Variants in ZBED6 observed in about 807,000 individuals in gnomAD.
ZBED6 encodes the protein zinc finger BED domain-containing protein 6.
In ZBED6, 40 loss-of-function variants were observed where a neutral mutation model predicts 58.4. The ratio of observed to expected loss-of-function variants is 0.68; its 90% CI spans 0.53 to 0.89. The LOEUF (loss-of-function observed/expected upper bound fraction) is 0.89, where lower values mean the gene tolerates loss of function less well. Ranked by LOEUF, ZBED6 falls within the 40% of genes least tolerant of loss-of-function variation. ZBED6 has a pLI of 0.00. For synonymous variants in ZBED6, 439 were observed against 350.6 expected (o/e 1.25, Z -2.82); for missense variants, 1,057 against 1,003.9 (o/e 1.05, Z -0.71).
intron 3 of ZBED6, among the ~76,000 whole-genome samples, chr1:203,820,277 G>A (rs1164288908): frequency 6.6e-6 from 1 of 151,226 alleles, no homozygotes; most frequent in African/African-American, 2.4e-5. Flanking sequence ...GTTGCACATA[G>A]TTGTCACGAC....
chr1:203,842,710 T>C (rs1435973397), intron 11 of ZBED6, among the ~76,000 whole-genome samples: 6 of 151,162 alleles, frequency 4.0e-5, no homozygotes, highest in African/African-American at 1.5e-4. Context: ...TTATTCTAAT[T>C]TTGTAAAGAT....
chr1:203,826,049 T>G (rs1680412750), intron 3 of ZBED6, among the ~76,000 whole-genome samples: 1 of 152,204 alleles, frequency 6.6e-6, no homozygotes, highest in South Asian at 2.1e-4. Context: ...ATGTAAAATT[T>G]AAGCAAAGGT....
exon 1 of ZBED6, chr1:203,798,891 G>A: frequency 6.5e-7 from 1 of 1,536,096 alleles, no homozygotes; most frequent in Non-Finnish European, 8.7e-7. Context: ...CACTAAGGCT[G>A]TACCTCAGTT....
intron 11 of ZBED6, among the ~76,000 whole-genome samples, chr1:203,845,289 CAG>C (rs1478213116): frequency 6.6e-6 from 1 of 152,036 alleles, no homozygotes; most frequent in Non-Finnish European, 1.5e-5. Context: ...GGGAGGGAAA[CAG>C]GGCCTCTATG....
At chr1:203,850,615 T>G in exon 15 of ZBED6, 1 of 1,614,136 alleles carries the variant, frequency 6.2e-7, no homozygotes, top group South Asian at 1.1e-5. Flanking sequence ...CTGCTGTCAT[T>G]GCCGCTGTGA....
At position 203,828,289 on chromosome 1, in the gene ZBED6, C is replaced by CAAA. The variant is rs1362988672; in HGVS notation, c.*2874-10_*2874-9insAAA. 1 of 1,613,766 alleles carries CAAA rather than the reference C, an allele frequency of 6.2e-7. No individual in the cohort carries two copies. The highest frequency in any genetic ancestry group is 1.1e-5 in the South Asian group (1 of 91,020). The stretch of plus-strand genomic sequence containing the variant: ...TTTATTTGAAAGCAATGTGTTTTTC[C>CAAA]CTCTTACAGAAAAAACGCAGTGAAA... On this transcript the variant is annotated splice_polypyrimidine_tract_variant and intron_variant, in intron 3 of 16. Coordinates refer to ENST00000550078, the Ensembl canonical transcript of ZBED6.
intron 2 of ZBED6, 142 bp from the exon 3 acceptor site, chr1:203,818,428 C>T (rs1347439207): frequency 2.7e-6 from 3 of 1,099,844 alleles, no homozygotes; most frequent in South Asian, 3.1e-5. Context: ...TTGTTCCTGT[C>T]ATTCCATGTC....
intron 11 of ZBED6, among the ~76,000 whole-genome samples, chr1:203,843,228 AT>A (rs1309579951): frequency 6.6e-6 from 1 of 152,186 alleles, no homozygotes; most frequent in Non-Finnish European, 1.5e-5. Context: ...CTAAATCAGT[AT>A]TTATGATAAT....
chr1:203,804,731 G>C (rs554211686), intron 1 of ZBED6, among the ~76,000 whole-genome samples: 128 of 148,972 alleles, frequency 8.6e-4, no homozygotes, highest in African/African-American at 2.9e-3. Context: ...GGAGTGCAAT[G>C]GTGCTGTCTT....
At position 203,799,858 on chromosome 1, in the gene ZBED6, A is replaced by G. The variant is rs548194414; in HGVS notation, c.2336A>G (p.Glu779Gly). ...GATCCTTGCTTTAAAAACAGTTTGGAAGACTTTTTTCCTCAAGGTGCTGAT... is the reference window on the plus strand; with the variant it reads ...GATCCTTGCTTTAAAAACAGTTTGGGAGACTTTTTTCCTCAAGGTGCTGAT... The change falls in exon 1 of 17, where the codon GAA becomes GGA. Residue 779 changes from glutamate (E) to glycine (G), a missense_variant. By Grantham distance (98) the Glu-to-Gly change is moderately conservative. Transcript: ENST00000550078. 4 of 1,534,382 alleles carry G rather than the reference A, an allele frequency of 2.6e-6. No individual in the cohort carries two copies. The East Asian group carries it at 9.8e-5, about 38-fold the overall frequency.
chr1:203,850,055 T>G, intron 14 of ZBED6, 29 bp downstream of exon 14: 1 of 1,595,444 alleles, frequency 6.3e-7, no homozygotes, highest in Non-Finnish European at 8.5e-7. Flanking sequence ...TGTATTGCTT[T>G]AGGTTATCAA....
At chr1:203,827,495 A>G (rs1424804041) in intron 3 of ZBED6, among the ~76,000 whole-genome samples, 3 of 151,934 alleles carry the variant, frequency 2.0e-5, no homozygotes, top group East Asian at 1.9e-4. Context: ...CCTGGCTAAC[A>G]TGGTAAAACC....
intron 3 of ZBED6, among the ~76,000 whole-genome samples, chr1:203,819,206 AT>A (rs953666625): frequency 1.5e-4 from 22 of 144,292 alleles, no homozygotes; most frequent in African/African-American, 3.3e-4. Context: ...CCTCTATGCA[AT>A]TTTTTTTTCT....
Position 203,833,870 on chromosome 1 carries a change from G to A in ZBED6, c.*3573+17G>A, listed in dbSNP as rs1258670494. ...TTTCAGCAGGTAAGATAAGTTTTGT[G>A]TATATCTTTTCTTTTCTACTTGTTT... On this transcript the variant is annotated intron_variant, in intron 9 of 16. Transcript: ENST00000550078. 1 of 1,599,964 alleles carries A rather than the reference G, an allele frequency of 6.3e-7. No homozygotes were observed. Among genetic ancestry groups the A allele is most frequent in the African/African-American group, 1.3e-5 (1 of 74,358 alleles).
In ZBED6 at chr1:203,804,496, C is replaced by G. The variant is rs1213895900; in HGVS notation, c.*2554+1480C>G. On this transcript the variant is annotated intron_variant, in intron 1 of 16. Coordinates refer to ENST00000550078, the Ensembl canonical transcript of ZBED6. ...TTGTGAATGGTCTCTTCCTGTATAT[C>G]TTTTTACTGTGAGTGGTACTCTGCC... Among the ~76,000 whole-genome samples the G allele has an allele frequency of 3.3e-5, 5 of 151,960 alleles. No individual in the cohort carries two copies. In the East Asian group the frequency reaches 9.7e-4, roughly 29 times the overall value.
chr1:203,799,874 A>G (rs1669992271), exon 1 of ZBED6: 1 of 1,535,760 alleles, frequency 6.5e-7, no homozygotes, highest in Non-Finnish European at 8.7e-7. Context: ...TTTTTCCTCA[A>G]GGTGCTGATT....
intron 9 of ZBED6, among the ~76,000 whole-genome samples, chr1:203,834,269 CTTAT>C (rs1252542661): frequency 2.0e-5 from 3 of 151,918 alleles, no homozygotes; most frequent in Non-Finnish European, 4.4e-5. Context: ...TTGGTGCTTG[CTTAT>C]TTATTTATTT....
rs150682835 is a variant in ZBED6 at position 203,845,226 on chromosome 1, G to C, written c.*3742-1958G>C. ...GTGACATCCTTATTTCTCATTGCTG[G>C]TGTGGATTTATTTTATTTTTAATGT... On this transcript the variant is annotated intron_variant, in intron 11 of 16. Transcript: ENST00000550078. Among the ~76,000 whole-genome samples, 42 of 152,210 alleles carry C rather than the reference G, an allele frequency of 2.8e-4. No homozygotes were observed. The East Asian group carries it at 7.3e-3, about 27-fold the overall frequency.
intron 1 of ZBED6, 148 bp from the exon 2 acceptor site, chr1:203,816,778 A>G (rs1006492932): frequency 1.7e-5 from 5 of 291,756 alleles, no homozygotes; most frequent in Non-Finnish European, 2.5e-5. Flanking sequence ...AATGTACAGT[A>G]TTCGCAATCA....
Sources: allele counts gnomAD v4.1 joint callset (sites outside exome capture counted in the v4.1 genomes callset), GRCh38; gene constraint gnomAD v4.1.1; transcripts MANE v1.5; gene names NCBI Gene and HGNC (gene_info 2026-07-23, HGNC 2026-07-21).